Variants in ZNF143 observed in about 807,000 individuals in gnomAD.
ZNF143 encodes zinc finger protein 143, also known as SPH-binding factor.
ZNF143 carries 49 observed loss-of-function variants against 74.1 expected under a neutral mutation model. The observed-to-expected ratio is 0.66, with a 90% confidence interval of 0.53 to 0.84. ZNF143 has a LOEUF of 0.84. ZNF143 is among the 40% of genes least tolerant of loss of function. The pLI is 0.00. For synonymous variants in ZNF143, 304 were observed against 282.8 expected (o/e 1.07, Z -0.75); for missense variants, 637 against 793.4 (o/e 0.80, Z 2.37).
rs552681902 is a variant in ZNF143, at chr11:9,480,899, A to AG, written c.645+1354dup. On this transcript the variant is annotated intron_variant, in intron 7 of 15. Transcript: ENST00000396602. ...CGAAACTGTCTCAAAAAAAAAAAAA[A>AG]GAAAAAAGAAAAAGAAATATTATGC... Among the ~76,000 whole-genome samples the AG allele has an allele frequency of 3.4e-3, 516 of 151,770 alleles. 4 individuals carry two copies. Among genetic ancestry groups the AG allele is most frequent in the African/African-American group, 0.012 (498 of 41,338 alleles).
intron 11 of ZNF143, among the ~76,000 whole-genome samples, chr11:9,505,300 C>T (rs1848321679): frequency 6.7e-6 from 1 of 149,230 alleles, no homozygotes; most frequent in African/African-American, 2.5e-5. Context: ...GATGGAGTCT[C>T]GCTCTGTCGC....
At chr11:9,478,313 TTC>T in intron 5 of ZNF143, 75 bp from the exon 6 acceptor site, 1 of 1,489,862 alleles carries the variant, frequency 6.7e-7, no homozygotes, top group South Asian at 1.2e-5. Flanking sequence ...AAAAGCTCAT[TTC>T]TCTCTTCCTT....
At chr11:9,461,408 C>T (rs1267049978) in intron 1 of ZNF143, among the ~76,000 whole-genome samples, 2 of 152,128 alleles carry the variant, frequency 1.3e-5, no homozygotes, top group African/African-American at 4.8e-5. Context: ...GTGGAGCCCT[C>T]GGGAGCCTTG....
rs1565051807 is a variant in ZNF143, at chr11:9,501,170, GAC to G, written c.1055_1056del (p.Thr352ArgfsTer23). ...CAAATATCAGAAAAGTGCACGTTAG[GAC>G]ACACACAGGAGAAAGACCTTATTAC... ...TSNIRKVHVR[T>X]HTGERPYYCT... On this transcript the variant is annotated frameshift_variant, in exon 11 of 16. Coordinates refer to ENST00000396602, the MANE Select transcript of ZNF143 (RefSeq NM_003442.6). LOFTEE classifies it high-confidence loss of function. 6.2e-7 allele frequency: 1 copy of G among 1,614,044 alleles called. No individual in the cohort carries two copies.
intron 1 of ZNF143, among the ~76,000 whole-genome samples, chr11:9,463,356 A>G (rs1370932680): frequency 6.6e-6 from 1 of 152,210 alleles, no homozygotes; most frequent in Non-Finnish European, 1.5e-5. Flanking sequence ...GGTACTCTAA[A>G]ACTTTTTCAG....
intron 7 of ZNF143, among the ~76,000 whole-genome samples, chr11:9,491,245 A>G (rs1002079028): frequency 4.0e-5 from 6 of 149,378 alleles, no homozygotes; most frequent in Non-Finnish European, 8.9e-5. Flanking sequence ...AAAAAGATAC[A>G]TTTTACATAC....
intron 7 of ZNF143, among the ~76,000 whole-genome samples, chr11:9,491,496 CG>C (rs1565043690): frequency 6.6e-6 from 1 of 151,678 alleles, no homozygotes. Flanking sequence ...AAAATTAGCC[CG>C]GCATGGTGGC....
chr11:9,468,246 C>T (rs1028742454), intron 1 of ZNF143, among the ~76,000 whole-genome samples: 3 of 152,108 alleles, frequency 2.0e-5, no homozygotes, highest in African/African-American at 7.2e-5. Context: ...TGTTCTTTTT[C>T]ACATCAATAG....
At chr11:9,496,024 G>T (rs549361202) in intron 8 of ZNF143, among the ~76,000 whole-genome samples, 3 of 152,002 alleles carry the variant, frequency 2.0e-5, no homozygotes, top group Non-Finnish European at 2.9e-5. Flanking sequence ...TTCTCATCAC[G>T]TGTATGTTTC....
intron 1 of ZNF143, among the ~76,000 whole-genome samples, chr11:9,467,027 G>A (rs1049187777): frequency 9.2e-5 from 14 of 151,534 alleles, no homozygotes; most frequent in African/African-American, 3.4e-4. Context: ...CGGAGTAGCT[G>A]GGACTACAGG....
chr11:9,521,848 C>T (rs1441561463), intron 14 of ZNF143, among the ~76,000 whole-genome samples: 1 of 151,154 alleles, frequency 6.6e-6, no homozygotes, highest in Non-Finnish European at 1.5e-5. Flanking sequence ...GGTGGATCAC[C>T]TGAGGTCAGG....
intron 1 of ZNF143, among the ~76,000 whole-genome samples, chr11:9,465,826 G>T (rs767139698): frequency 6.6e-6 from 1 of 151,640 alleles, no homozygotes; most frequent in South Asian, 2.1e-4. Flanking sequence ...TTGTTTGTTT[G>T]TTTTCTTTTT....
At chr11:9,518,253 C>G (rs1848789603) in intron 14 of ZNF143, among the ~76,000 whole-genome samples, 2 of 152,252 alleles carry the variant, frequency 1.3e-5, no homozygotes, top group Non-Finnish European at 2.9e-5. Context: ...CAAAGACTAA[C>G]AAAACCAAAT....
chr11:9,473,774 T>C, intron 3 of ZNF143, 167 bp from the exon 4 acceptor site: 4 of 1,537,048 alleles, frequency 2.6e-6, no homozygotes, highest in Non-Finnish European at 3.5e-6. Context: ...CTGCTTTCTG[T>C]AGGATCACTG....
chr11:9,507,853 C>A (rs1012716340), intron 11 of ZNF143, among the ~76,000 whole-genome samples: 3 of 151,994 alleles, frequency 2.0e-5, no homozygotes, highest in Non-Finnish European at 4.4e-5. Flanking sequence ...TAATCCTGGT[C>A]GGGAAGAAGG....
intron 14 of ZNF143, among the ~76,000 whole-genome samples, chr11:9,520,636 C>CA (rs1848890119): frequency 1.3e-5 from 2 of 151,888 alleles, no homozygotes; most frequent in South Asian, 4.2e-4. Context: ...ACTAAAAATA[C>CA]AAAAAATTAG....
At chr11:9,479,330 C>G (rs1847147222) in intron 6 of ZNF143, 142 bp from the exon 7 acceptor site, 4 of 515,586 alleles carry the variant, frequency 7.8e-6, no homozygotes, top group African/African-American at 2.0e-5. Flanking sequence ...CAAATATACA[C>G]AAAAATAAAT....
chr11:9,503,889 T>C (rs1045995726), intron 11 of ZNF143, among the ~76,000 whole-genome samples: 3 of 144,358 alleles, frequency 2.1e-5, no homozygotes, highest in African/African-American at 5.2e-5. Flanking sequence ...TGACCTCAGG[T>C]GATTCACCTG....
chr11:9,498,030 C>CTG (rs1275619412), intron 10 of ZNF143, among the ~76,000 whole-genome samples: 1 of 152,068 alleles, frequency 6.6e-6, no homozygotes, highest in Non-Finnish European at 1.5e-5. Context: ...CGGGGTTTCA[C>CTG]TGTGTTAGCC....
Sources: gnomAD v4.1 joint callset for allele counts (sites outside exome capture counted in the v4.1 genomes callset) on GRCh38, gnomAD v4.1.1 for gene constraint, MANE v1.5 for transcripts, NCBI Gene and HGNC (gene_info 2026-07-23, HGNC 2026-07-21) for gene names.